LINGO2: variants seen among roughly 807,000 people sequenced by gnomAD.
LINGO2 encodes leucine-rich repeat and immunoglobulin-like domain-containing nogo receptor-interacting protein 2.
A neutral mutation model predicts 30.6 loss-of-function variants in LINGO2; 14 were observed. The ratio of observed to expected loss-of-function variants is 0.46; its 90% CI spans 0.30 to 0.72. The LOEUF is 0.72. LINGO2 is among the 30% of genes least tolerant of loss of function. The probability of loss-of-function intolerance (pLI) is 0.07; values close to 1 mark genes in which losing one functional copy is unlikely to be tolerated. For missense variants in LINGO2, 729 were observed against 751.7 expected, an observed-to-expected ratio of 0.97 and a Z score of 0.35; for synonymous variants, 317 against 288.5, an observed-to-expected ratio of 1.10 and a Z score of -1.00.
Position 28,508,913 on chromosome 9 carries a change from A to G in LINGO2, c.-364-32888T>C, listed in dbSNP as rs371929569. On this transcript the variant is annotated intron_variant, in intron 1 of 5. Transcript: ENST00000379992. The stretch of plus-strand genomic sequence containing the variant: ...ATCATCCCTAGAATGGAAATAATAA[A>G]TTTATGGAGTGGTTGTGTGAACTAC... Among the ~76,000 whole-genome samples the G allele has an allele frequency of 1.5e-3, 223 of 152,166 alleles. 1 individual carries two copies. Among genetic ancestry groups the G allele is most frequent in the African/African-American group, 5.1e-3 (213 of 41,528 alleles).
intron 2 of LINGO2, among the ~76,000 whole-genome samples, chr9:28,424,258 A>G (rs940681245): frequency 6.6e-6 from 1 of 152,172 alleles, no homozygotes; most frequent in African/African-American, 2.4e-5. Context: ...GTAGAAGAAC[A>G]TGAAGGAAGT....
intron 4 of LINGO2, among the ~76,000 whole-genome samples, chr9:28,232,066 T>C (rs145153714): frequency 8.7e-4 from 132 of 152,238 alleles, no homozygotes; most frequent in Middle Eastern, 3.4e-3. Context: ...GTCTCTTATA[T>C]ATTGGTAATT....
the LINGO2 span, among the ~76,000 whole-genome samples, chr9:28,965,155 A>G: frequency 6.6e-6 from 1 of 151,926 alleles, no homozygotes; most frequent in Non-Finnish European, 1.5e-5. Flanking sequence ...AGAGTTCGGG[A>G]TTTATTTAAT....
chr9:28,616,422 G>T (rs959220962), intron 1 of LINGO2, among the ~76,000 whole-genome samples: 2 of 152,164 alleles, frequency 1.3e-5, no homozygotes, highest in African/African-American at 4.8e-5. Flanking sequence ...CTTTCAAACA[G>T]ATTGAAGTGA....
chr9:28,318,406 AATTAAT>A (rs1399227899), intron 3 of LINGO2, among the ~76,000 whole-genome samples: 1 of 152,134 alleles, frequency 6.6e-6, no homozygotes, highest in Middle Eastern at 3.2e-3. Context: ...GGGAGAAGAA[AATTAAT>A]ATTTAAAGTG....
At chr9:28,884,810 G>A in the LINGO2 span, among the ~76,000 whole-genome samples, 1 of 139,070 alleles carries the variant, frequency 7.2e-6, no homozygotes, top group Non-Finnish European at 1.5e-5. Flanking sequence ...TTCTTTAGCA[G>A]TATATATATA....
intron 3 of LINGO2, among the ~76,000 whole-genome samples, chr9:28,314,069 G>T (rs375155002): frequency 3.9e-5 from 6 of 152,178 alleles, no homozygotes; most frequent in African/African-American, 1.4e-4. Context: ...CGCGTAGCTG[G>T]GACTACAGGC....
chr9:28,919,520 C>T, the LINGO2 span, among the ~76,000 whole-genome samples: 4 of 152,152 alleles, frequency 2.6e-5, no homozygotes, highest in African/African-American at 7.2e-5. Context: ...ACACAAGGAC[C>T]AGTAGTCAAT....
At chr9:28,490,334 G>A (rs1236220440) in intron 1 of LINGO2, among the ~76,000 whole-genome samples, 1 of 152,190 alleles carries the variant, frequency 6.6e-6, no homozygotes, top group Non-Finnish European at 1.5e-5. Flanking sequence ...CTTACTAGCT[G>A]TACAATAATT....
At chr9:28,765,322 A>G in the LINGO2 span, among the ~76,000 whole-genome samples, 2 of 152,114 alleles carry the variant, frequency 1.3e-5, no homozygotes, top group Non-Finnish European at 2.9e-5. Flanking sequence ...AATAGGACAG[A>G]CTAGAGAGCC....
At chr9:29,040,565 T>TAAA in the LINGO2 span, among the ~76,000 whole-genome samples, 12 of 145,726 alleles carry the variant, frequency 8.2e-5, no homozygotes, top group South Asian at 2.2e-4. Context: ...GACGCCTCTT[T>TAAA]AAAAAAAAAA....
At chr9:28,683,047 G>C in the LINGO2 span, among the ~76,000 whole-genome samples, 4 of 151,992 alleles carry the variant, frequency 2.6e-5, no homozygotes, top group African/African-American at 9.7e-5. Context: ...TCCCTGTCCT[G>C]AGATAATAAT....
chr9:29,140,622 G>C, the LINGO2 span, among the ~76,000 whole-genome samples: 1 of 151,648 alleles, frequency 6.6e-6, no homozygotes, highest in Non-Finnish European at 1.5e-5. Context: ...AATAAAAATG[G>C]GCAAAATTTC....
chr9:28,654,391 T>C (rs1393367942), intron 1 of LINGO2, among the ~76,000 whole-genome samples: 1 of 152,158 alleles, frequency 6.6e-6, no homozygotes, highest in African/African-American at 2.4e-5. Flanking sequence ...TGAAGAGTTA[T>C]ATTTTTGTCC....
At chr9:28,380,873 G>A (rs1390002881) in intron 2 of LINGO2, among the ~76,000 whole-genome samples, 1 of 152,046 alleles carries the variant, frequency 6.6e-6, no homozygotes, top group African/African-American at 2.4e-5. Context: ...TATTTCACAT[G>A]AATGAGAAAT....
chr9:28,217,347 T>G (rs1820803324), intron 4 of LINGO2, among the ~76,000 whole-genome samples: 1 of 151,820 alleles, frequency 6.6e-6, no homozygotes, highest in Non-Finnish European at 1.5e-5. Context: ...TTGGGGTTAA[T>G]ACACTGTTAA....
chr9:28,877,270 T>G, the LINGO2 span, among the ~76,000 whole-genome samples: 2 of 152,072 alleles, frequency 1.3e-5, no homozygotes, highest in Non-Finnish European at 2.9e-5. Context: ...ATCCCATTTG[T>G]CAATTTTGGC....
chr9:28,889,800 T>C, the LINGO2 span, among the ~76,000 whole-genome samples: 129,408 of 151,972 alleles, frequency 0.85, 55,273 homozygotes, highest in Non-Finnish European at 0.89. Context: ...GAAGACAGGC[T>C]CAGTTCTTGA....
the LINGO2 span, among the ~76,000 whole-genome samples, chr9:29,114,694 G>A: frequency 6.6e-6 from 1 of 151,356 alleles, no homozygotes; most frequent in Non-Finnish European, 1.5e-5. Flanking sequence ...GAGAATGATG[G>A]TTTCCAGCTT....
Sources: gnomAD v4.1 joint callset for allele counts (sites outside exome capture counted in the v4.1 genomes callset) on GRCh38, gnomAD v4.1.1 for gene constraint, MANE v1.5 for transcripts, NCBI Gene and HGNC (gene_info 2026-07-23, HGNC 2026-07-21) for gene names.